Variants in AGAP1 observed in about 807,000 individuals in gnomAD.
AGAP1 encodes ArfGAP with GTPase domain, ankyrin repeat and PH domain 1, also known as arf-GAP with GTPase, ANK repeat and PH domain-containing protein 1.
Under a neutral mutation model 105.3 loss-of-function variants are expected in AGAP1, and 29 were observed. The observed-to-expected ratio is 0.28, with a 90% confidence interval of 0.21 to 0.38. AGAP1 has a LOEUF of 0.38. Among genes scored for constraint, AGAP1 ranks in the 10% least tolerant of loss-of-function variants. The pLI, the probability that AGAP1 is intolerant of heterozygous loss-of-function variation, is 1.00. For missense variants in AGAP1, 998 were observed against 1,165.1 expected (o/e 0.86, Z 2.09); for synonymous variants, 509 against 485.9 (o/e 1.05, Z -0.63).
At position 236,119,767 on chromosome 2, in the gene AGAP1, G is replaced by A. The variant is rs2059857023; in HGVS notation, c.2115-425G>A. Among the ~76,000 whole-genome samples, 1 of 152,148 alleles carries A rather than the reference G, an allele frequency of 6.6e-6. No homozygotes were observed. The highest frequency in any genetic ancestry group is 6.5e-5 in the Admixed American group (1 of 15,280). ...GTTTCCCCTGTGCATCGGTGTGTGA[G>A]AGCCACTGATCCAAGGCCATGGCCT... On this transcript the variant is annotated intron_variant, in intron 16 of 17. Coordinates refer to ENST00000304032, the MANE Select transcript of AGAP1 (RefSeq NM_001037131.3). The surrounding 1 kb of genome is among the most constrained non-coding windows in gnomAD (Gnocchi z 6.6).
chr2:235,782,852 C>T (rs2149945551), intron 6 of AGAP1, among the ~76,000 whole-genome samples: 1 of 152,246 alleles, frequency 6.6e-6, no homozygotes, highest in East Asian at 1.9e-4. Context: ...TTAAGGTAAA[C>T]CTACTGATTG....
intron 1 of AGAP1, among the ~76,000 whole-genome samples, chr2:235,658,582 A>C (rs1947847676): frequency 6.6e-6 from 1 of 152,106 alleles, no homozygotes; most frequent in South Asian, 2.1e-4. Context: ...CGTGCCCAGC[A>C]GGGGTGGAGG....
chr2:235,790,408 G>A (rs565127152), intron 6 of AGAP1, among the ~76,000 whole-genome samples: 32 of 152,196 alleles, frequency 2.1e-4, no homozygotes, highest in African/African-American at 6.7e-4. Flanking sequence ...TCGGGAAACC[G>A]CTGGAACCAG....
At chr2:236,079,529 CAAAAA>C (rs201191220) in intron 16 of AGAP1, among the ~76,000 whole-genome samples, 1 of 136,038 alleles carries the variant, frequency 7.4e-6, no homozygotes, top group Admixed American at 7.4e-5. Flanking sequence ...GACCTCGTCT[CAAAAA>C]AAAAAAATTA....
chr2:236,006,918 G>T (rs556252158), intron 13 of AGAP1, among the ~76,000 whole-genome samples: 1 of 152,280 alleles, frequency 6.6e-6, no homozygotes, highest in South Asian at 2.1e-4. Flanking sequence ...AAAGAAATGA[G>T]ACACTTTTTA....
chr2:235,772,951 G>A (rs1051505928), intron 6 of AGAP1, among the ~76,000 whole-genome samples: 5 of 145,870 alleles, frequency 3.4e-5, no homozygotes, highest in African/African-American at 1.2e-4. Context: ...CAAGCTGTCT[G>A]TAGCCACTTT....
chr2:235,674,800 T>C (rs780112380), intron 1 of AGAP1, among the ~76,000 whole-genome samples: 7 of 149,534 alleles, frequency 4.7e-5, no homozygotes, highest in Non-Finnish European at 7.4e-5. Flanking sequence ...GCAATTCTCC[T>C]CCCTCAGCCT....
chr2:235,543,097 TC>T (rs1165093900), intron 1 of AGAP1, among the ~76,000 whole-genome samples: 8,019 of 66,854 alleles, frequency 0.12, 335 homozygotes, highest in Non-Finnish European at 0.14. Context: ...CTCCTCCCCC[TC>T]CCCCCCCCCC....
At chr2:235,594,691 C>A (rs537751498) in intron 1 of AGAP1, among the ~76,000 whole-genome samples, 1 of 151,894 alleles carries the variant, frequency 6.6e-6, no homozygotes, top group South Asian at 2.1e-4. Flanking sequence ...TCTGCCTTGG[C>A]GTCCCAAGTA....
chr2:235,507,873 A>G (rs955063688), intron 1 of AGAP1, among the ~76,000 whole-genome samples: 3 of 152,120 alleles, frequency 2.0e-5, no homozygotes, highest in Non-Finnish European at 4.4e-5. Flanking sequence ...GTTGGGTGTC[A>G]TGGTGGTCTG....
rs2057465869 is a variant in AGAP1 at position 236,038,981 on chromosome 2, AATTT to A, written c.1801-1766_1801-1763del. Among the ~76,000 whole-genome samples, 5 of 152,214 alleles carry A rather than the reference AATTT, an allele frequency of 3.3e-5. No individual in the cohort carries two copies. Among genetic ancestry groups the A allele is most frequent in the African/African-American group, 1.2e-4 (5 of 41,458 alleles). On this transcript the variant is annotated intron_variant, in intron 14 of 17. Transcript: ENST00000304032. The surrounding 1 kb of genome is among the most constrained non-coding windows in gnomAD (Gnocchi z 4.5). ...TAGACAGTAGTGATTAATACATTAT[AATTT>A]ATTATGTAGCAAGTAATATATTATT...
intron 9 of AGAP1, among the ~76,000 whole-genome samples, chr2:235,817,002 C>T (rs2106257695): frequency 6.6e-6 from 1 of 152,318 alleles, no homozygotes; most frequent in Non-Finnish European, 1.5e-5. Context: ...CTCAGTTTCT[C>T]CTCGTGTAGG....
chr2:235,521,428 T>C (rs201667156), intron 1 of AGAP1, among the ~76,000 whole-genome samples: 2 of 107,280 alleles, frequency 1.9e-5, no homozygotes, highest in Admixed American at 8.7e-5. Flanking sequence ...GACTCTCTCT[T>C]TGTCACTTTT....
chr2:235,530,224 G>A (rs760302585), intron 1 of AGAP1, among the ~76,000 whole-genome samples: 24 of 152,144 alleles, frequency 1.6e-4, no homozygotes, highest in Non-Finnish European at 3.1e-4. Flanking sequence ...GAGCTCATTC[G>A]CAGTCTTGGT....
At position 236,127,829 on chromosome 2, in the gene AGAP1, A is replaced by G. The variant is rs1357292549; in HGVS notation, c.*3707A>G. The G allele has an allele frequency of 6.6e-6, 1 of 152,232 alleles. No homozygotes were observed. Among genetic ancestry groups the G allele is most frequent in the Non-Finnish European group, 1.5e-5 (1 of 68,066 alleles). 9.4% of individuals were successfully genotyped at this position (152,232 alleles called of 1,614,324 possible). A position where few individuals can be genotyped will look rare whatever the true frequency, so the allele number is the denominator to read the frequency against. On this transcript the variant is annotated 3_prime_UTR_variant, in exon 18 of 18. Coordinates refer to ENST00000304032, the MANE Select transcript of AGAP1 (RefSeq NM_001037131.3). The surrounding 1 kb of genome is among the most constrained non-coding windows in gnomAD (Gnocchi z 6.6). Reference sequence around the variant, plus strand: ...AGAGGATTCCTCTGCAACTCTAGGCAAGCACCCAGCTTCCTGGGCTCTTTT... The same window carrying G: ...AGAGGATTCCTCTGCAACTCTAGGCGAGCACCCAGCTTCCTGGGCTCTTTT...
intron 1 of AGAP1, among the ~76,000 whole-genome samples, chr2:235,656,249 AGGCATT>A (rs1407211305): frequency 6.6e-6 from 1 of 152,178 alleles, no homozygotes; most frequent in East Asian, 1.9e-4. Context: ...TTTGCAGGGC[AGGCATT>A]GTTTGCTTGT....
At chr2:236,043,242 C>T (rs988383523) in intron 15 of AGAP1, among the ~76,000 whole-genome samples, 1 of 152,192 alleles carries the variant, frequency 6.6e-6, no homozygotes, top group African/African-American at 2.4e-5. Flanking sequence ...AGTGGATGCC[C>T]TTGACTCCAG....
At chr2:235,955,310 GGGCAGGGT>G (rs1305579294) in intron 12 of AGAP1, among the ~76,000 whole-genome samples, 1 of 152,094 alleles carries the variant, frequency 6.6e-6, no homozygotes, top group Non-Finnish European at 1.5e-5. Context: ...ATCAGCACGT[GGGCAGGGT>G]GGGAGCTGAA....
intron 12 of AGAP1, among the ~76,000 whole-genome samples, chr2:235,941,022 TTA>T (rs1210379417): frequency 6.6e-6 from 1 of 152,246 alleles, no homozygotes; most frequent in African/African-American, 2.4e-5. Context: ...TCTGCCAGTT[TTA>T]TATGATATAA....
Sources: gnomAD v4.1 joint callset for allele counts (sites outside exome capture counted in the v4.1 genomes callset) on GRCh38, gnomAD v4.1.1 for gene constraint, Gnocchi (gnomAD v3.1) non-coding constraint, MANE v1.5 for transcripts, NCBI Gene and HGNC (gene_info 2026-07-23, HGNC 2026-07-21) for gene names.